The following FAT2 variants were observed in gnomAD, a reference collection of about 807,000 sequenced individuals.
FAT2 encodes the protein FAT atypical cadherin 2, also known as protocadherin Fat 2.
In FAT2, 150 loss-of-function variants were observed where a neutral mutation model predicts 295.3. That is an observed-to-expected ratio of 0.51 (90% CI 0.44 to 0.58). FAT2 has a LOEUF of 0.58. Among genes scored for constraint, FAT2 ranks in the 20% least tolerant of loss-of-function variants. FAT2 has a pLI of 0.00. For synonymous variants in FAT2, 2,026 were observed against 2,150.3 expected (o/e 0.94, Z 1.60); for missense variants, 4,868 against 5,442.7 (o/e 0.89, Z 3.32).
rs913193578 is a variant in FAT2 at position 151,549,239 on chromosome 5, C to T, written c.4789+56G>A. On this transcript the variant is annotated intron_variant, in intron 9 of 23. Coordinates refer to ENST00000261800, the MANE Select transcript of FAT2 (RefSeq NM_001447.3). The stretch of plus-strand genomic sequence containing the variant: ...TGCGAATTCATGCCTCTAGTGCTTT[C>T]CTTTATTTCTAAAGCATCTTGACCC... 6.2e-5 allele frequency: 95 copies of T among 1,540,424 alleles called. No individual in the cohort carries two copies. The African/African-American group carries it at 1.0e-3, about 17-fold the overall frequency.
At chr5:151,590,102 C>A (rs1267004507) in intron 1 of FAT2, among the ~76,000 whole-genome samples, 1 of 152,166 alleles carries the variant, frequency 6.6e-6, no homozygotes, top group East Asian at 1.9e-4. Context: ...AAAGACCATG[C>A]GTGCTCAGCA....
Position 151,521,848 on chromosome 5 carries a change from G to T in FAT2, c.10745C>A (p.Ala3582Glu), listed in dbSNP as rs771778319. ...GGCGGCGATAATCTTGCCATCAGGC[G>T]CACCCACTGAGAAGTGCCTGCCCAG... The part of the protein sequence containing the change: ...ETLGRHFSVG[A>E]PDGKIIAAQG... Residue 3582 changes from alanine to glutamate, a missense_variant, in exon 19 of 24, where the codon GCG becomes GAG. Ala to Glu is a moderately radical substitution (Grantham distance 107). Coordinates refer to ENST00000261800, the MANE Select transcript of FAT2 (RefSeq NM_001447.3). The T allele has an allele frequency of 1.2e-6, 2 of 1,614,062 alleles. No homozygotes were observed. The highest frequency in any genetic ancestry group is 1.7e-6 in the Non-Finnish European group (2 of 1,180,036).
intron 10 of FAT2, among the ~76,000 whole-genome samples, chr5:151,540,974 T>C (rs1274946835): frequency 6.6e-6 from 1 of 152,234 alleles, no homozygotes; most frequent in African/African-American, 2.4e-5. Flanking sequence ...TGAATGAAAT[T>C]GTCAATGCAA....
intron 6 of FAT2, 74 bp downstream of exon 6, chr5:151,553,101 CTG>C: frequency 6.9e-7 from 1 of 1,449,346 alleles, no homozygotes. Flanking sequence ...GTCAGAAGGA[CTG>C]TAGCAGGAAA....
chr5:151,574,771 G>C (rs1758680516), intron 1 of FAT2, among the ~76,000 whole-genome samples: 1 of 152,198 alleles, frequency 6.6e-6, no homozygotes, highest in Non-Finnish European at 1.5e-5. Context: ...CAAGAAACTT[G>C]GATGAACATG....
chr5:151,574,826 A>G (rs1475346312), intron 1 of FAT2, among the ~76,000 whole-genome samples: 2 of 118,514 alleles, frequency 1.7e-5, no homozygotes, highest in African/African-American at 3.0e-5. Context: ...AGATTCTCAT[A>G]TAACAAAACA....
In FAT2 at chr5:151,551,448, C is replaced by A; in HGVS notation, c.4296+19G>T. ...TCCATCTCCTCTCAATACAGGGGTC[C>A]CCAGCCGAGGCCTCTAACCTGTGTG... On this transcript the variant is annotated intron_variant, in intron 7 of 23. Coordinates refer to ENST00000261800, the MANE Select transcript of FAT2 (RefSeq NM_001447.3). The A allele has an allele frequency of 6.2e-7, 1 of 1,612,764 alleles. No individual in the cohort carries two copies. The highest frequency in any genetic ancestry group is 2.2e-5 in the East Asian group (1 of 44,872).
At chr5:151,530,456 GA>G (rs1754469837) in intron 14 of FAT2, among the ~76,000 whole-genome samples, 1 of 152,158 alleles carries the variant, frequency 6.6e-6, no homozygotes, top group Non-Finnish European at 1.5e-5. Flanking sequence ...CCAAACGATG[GA>G]AAATTCTATT....
At chr5:151,506,241 G>T in intron 23 of FAT2, 144 bp from the exon 24 acceptor site, 1 of 814,908 alleles carries the variant, frequency 1.2e-6, no homozygotes, top group Non-Finnish European at 1.7e-6. Context: ...GTCTCTGTTG[G>T]CTTACGTTGA....
chr5:151,592,944 G>C (rs915508192), upstream of FAT2, among the ~76,000 whole-genome samples: 1 of 152,228 alleles, frequency 6.6e-6, no homozygotes, highest in Non-Finnish European at 1.5e-5. Context: ...ACTGTGAGTT[G>C]TGCCTTCAGG....
chr5:151,507,238 G>T lies in FAT2; in HGVS notation c.12433C>A (p.Pro4145Thr). 6.2e-7 allele frequency: 1 copy of T among 1,614,004 alleles called. No homozygotes were observed. Among genetic ancestry groups the T allele is most frequent in the Non-Finnish European group, 8.5e-7 (1 of 1,179,878 alleles). ...ACCGCAGCTGGCGGGAGTCTGGGGG[G>T]CACACTGCAGACCACTGGCCGTTGC... ...SKQRPVVCSV[P>T]PRLPPAAVPS... Residue 4145 changes from proline to threonine, a missense_variant, in exon 23 of 24, where the codon CCC (proline) becomes ACC (threonine). Pro to Thr is a conservative substitution (Grantham distance 38). This residue lies in a region of FAT2 where 492 missense variants were observed against 482.6 expected (regional missense o/e 1.02). Coordinates refer to ENST00000261800, the MANE Select transcript of FAT2 (RefSeq NM_001447.3).
intron 3 of FAT2, among the ~76,000 whole-genome samples, chr5:151,560,547 A>G (rs563664728): frequency 4.6e-5 from 7 of 152,216 alleles, no homozygotes; most frequent in South Asian, 2.1e-4. Flanking sequence ...GCTCAGCATA[A>G]CCACCCCTGT....
At chr5:151,525,685 T>C in intron 18 of FAT2, 83 bp downstream of exon 18, 1 of 1,499,018 alleles carries the variant, frequency 6.7e-7, no homozygotes, top group Non-Finnish European at 9.3e-7. Flanking sequence ...ATTTTTTCCC[T>C]AATGACAGAA....
In FAT2 at chr5:151,506,081, G is replaced by A. The variant is rs1458822072; in HGVS notation, c.12534C>T (p.Ala4178=). ...SSEEMVYPGG[A]MVWPPTYSRN... ...TGGAGTAAGTAGGGGGCCAGACCAT[G>A]GCTCCGCCAGGGTACACTGAAAGGG... The change falls in exon 24 of 24, where the codon GCC becomes GCT. Residue 4178 remains alanine (A), a synonymous_variant. Transcript: ENST00000261800. 2.0e-6 allele frequency: 3 copies of A among 1,523,524 alleles called. No individual in the cohort carries two copies. Among genetic ancestry groups the A allele is most frequent in the Non-Finnish European group, 2.6e-6 (3 of 1,145,010 alleles). The allele number at this position is 1,523,524 out of a possible 1,614,324, so 94.4% of individuals were successfully genotyped here.
chr5:151,512,433 T>A lies in FAT2; in HGVS notation c.11637A>T (p.Pro3879=). Reference sequence around the variant, plus strand: ...CGGGCCTCAGACCACGGCAGTTCTCTGGGACCACAAGGGAGGTGTTGCCCA... The same window carrying A: ...CGGGCCTCAGACCACGGCAGTTCTCAGGGACCACAAGGGAGGTGTTGCCCA... The part of the protein sequence containing the change: ...DSMGNTSLVV[P]ENCRGLRPER... The change falls in exon 21 of 24, where the codon CCA becomes CCT. Residue 3879 remains proline (P), a synonymous_variant. Coordinates refer to ENST00000261800, the MANE Select transcript of FAT2 (RefSeq NM_001447.3). This position sits in a 1 kb window ranked among gnomAD's most constrained non-coding sequence, Gnocchi z 4.1. The A allele has an allele frequency of 1.9e-6, 3 of 1,614,226 alleles. No individual in the cohort carries two copies. The highest frequency in any genetic ancestry group is 1.7e-5 in the Admixed American group (1 of 60,026).
In FAT2 at chr5:151,568,748, G is replaced by A. The variant is rs1191832137; in HGVS notation, c.184C>T (p.Leu62Phe). The A allele has an allele frequency of 6.2e-7, 1 of 1,614,170 alleles. No individual in the cohort carries two copies. The highest frequency in any genetic ancestry group is 8.5e-7 in the Non-Finnish European group (1 of 1,180,028). The change falls in exon 2 of 24, where the codon CTC (leucine) becomes TTC (phenylalanine). Residue 62 changes from leucine to phenylalanine, a missense_variant. Around this residue, in one of 5 missense-constraint regions of FAT2, gnomAD observed 3,297 missense variants for 3,669.4 expected, o/e 0.90. Transcript: ENST00000261800. ...VESFEKMGIY[L>F]AEPQWAVRYR... is the part of the protein sequence containing the mutation. ...CTCACTGCCCACTGTGGCTCCGCGA[G>A]GTAGATGCCCATTTTCTCGAAGCTC...
intron 2 of FAT2, 99 bp from the exon 3 acceptor site, chr5:151,563,738 G>A (rs1581444862): frequency 7.7e-6 from 7 of 906,190 alleles, no homozygotes; most frequent in African/African-American, 1.7e-5. Context: ...CTGTGGAAAG[G>A]GTATTAATAA....
intron 11 of FAT2, among the ~76,000 whole-genome samples, chr5:151,539,503 T>G (rs1189773668): frequency 6.6e-6 from 1 of 152,228 alleles, no homozygotes; most frequent in African/African-American, 2.4e-5. Context: ...TGTGTATATA[T>G]GCATAGGTAT....
intron 11 of FAT2, among the ~76,000 whole-genome samples, chr5:151,539,116 G>A (rs1040655629): frequency 1.3e-5 from 2 of 152,114 alleles, no homozygotes; most frequent in African/African-American, 4.8e-5. Context: ...AATGATGGCT[G>A]AGGGAAAAGA....
Sources: gnomAD v4.1 joint callset for allele counts (sites outside exome capture counted in the v4.1 genomes callset) on GRCh38, gnomAD v4.1.1 for gene constraint, gnomAD v4.1.1 regional missense constraint, Gnocchi (gnomAD v3.1) non-coding constraint, MANE v1.5 for transcripts, NCBI Gene and HGNC (gene_info 2026-07-23, HGNC 2026-07-21) for gene names.